Variants in GABRB3 observed in about 807,000 individuals in gnomAD.
The protein encoded by GABRB3 is gamma-aminobutyric acid receptor subunit beta-3.
Under a neutral mutation model 52.1 loss-of-function variants are expected in GABRB3, and 14 were observed. The ratio of observed to expected loss-of-function variants is 0.27; its 90% CI spans 0.18 to 0.42. GABRB3 has a LOEUF of 0.42. GABRB3 is among the 10% of genes least tolerant of loss of function. The pLI is 1.00. For synonymous variants in GABRB3, 260 were observed against 232.3 expected (o/e 1.12, Z -1.08); for missense variants, 307 against 609.1 (o/e 0.50, Z 5.22).
intron 3 of GABRB3, among the ~76,000 whole-genome samples, chr15:26,699,292 G>A (rs1888849033): frequency 6.6e-6 from 1 of 152,088 alleles, no homozygotes; most frequent in African/African-American, 2.4e-5. Flanking sequence ...ACCAATATTA[G>A]CAAGACCCAA....
chr15:26,582,467 A>G (rs117151109), intron 5 of GABRB3, among the ~76,000 whole-genome samples: 3,348 of 152,250 alleles, frequency 0.022, 66 homozygotes, highest in Non-Finnish European at 0.028. Context: ...TCAACTTTGC[A>G]TCACTTGACA....
chr15:26,663,825 C>T (rs576323266), intron 3 of GABRB3, among the ~76,000 whole-genome samples: 2 of 152,256 alleles, frequency 1.3e-5, no homozygotes, highest in African/African-American at 4.8e-5. Flanking sequence ...TCTTATAGAT[C>T]ACATGAACAT....
chr15:26,772,546 C>T, intron 2 of GABRB3, 77 bp from the exon 3 acceptor site: 3 of 1,504,892 alleles, frequency 2.0e-6, no homozygotes, highest in Non-Finnish European at 2.7e-6. Flanking sequence ...TGGGGGCTAT[C>T]CCAGGAGGGG....
intron 3 of GABRB3, among the ~76,000 whole-genome samples, chr15:26,746,953 C>T (rs938500280): frequency 1.2e-4 from 18 of 152,148 alleles, no homozygotes; most frequent in Non-Finnish European, 2.5e-4. Flanking sequence ...CACTACTGCA[C>T]TCCAGCCTGG....
At chr15:26,552,816 C>T (rs1889529646) in intron 8 of GABRB3, among the ~76,000 whole-genome samples, 1 of 152,162 alleles carries the variant, frequency 6.6e-6, no homozygotes, top group Non-Finnish European at 1.5e-5. Context: ...CTGGCTCACA[C>T]TGGGAATGTT....
At chr15:26,630,806 C>A (rs2140558411) in intron 3 of GABRB3, among the ~76,000 whole-genome samples, 1 of 152,276 alleles carries the variant, frequency 6.6e-6, no homozygotes, top group South Asian at 2.1e-4. Flanking sequence ...TAGCACAAAA[C>A]CCTGAAGTTC....
chr15:26,671,278 A>G (rs1433914070), intron 3 of GABRB3, among the ~76,000 whole-genome samples: 2 of 152,216 alleles, frequency 1.3e-5, no homozygotes, highest in African/African-American at 4.8e-5. Context: ...AACTTCCATC[A>G]CTAAGTGATT....
intron 4 of GABRB3, chr15:26,613,346 G>T (rs1892142752): frequency 1.3e-5 from 2 of 152,444 alleles, no homozygotes; most frequent in Admixed American, 1.3e-4. Context: ...GGGAGGTGGA[G>T]GTTGTGGTGA....
intron 3 of GABRB3, among the ~76,000 whole-genome samples, chr15:26,714,447 G>A (rs1023309162): frequency 2.6e-5 from 4 of 152,182 alleles, no homozygotes; most frequent in Admixed American, 2.6e-4. Flanking sequence ...ACATTCTAGG[G>A]AGACATGAGA....
At chr15:26,625,096 A>G in intron 3 of GABRB3, 1 of 353,258 alleles carries the variant, frequency 2.8e-6, no homozygotes, top group Non-Finnish European at 4.0e-6. Context: ...AACACTAGTA[A>G]CCCGGGATAG....
chr15:26,558,970 C>G (rs942652190), intron 8 of GABRB3, among the ~76,000 whole-genome samples: 1 of 152,262 alleles, frequency 6.6e-6, no homozygotes, highest in East Asian at 1.9e-4. Context: ...TCTGGGGAAG[C>G]CCCAGGAAAC....
chr15:26,592,337 A>G (rs1342630146), intron 4 of GABRB3, among the ~76,000 whole-genome samples: 1 of 152,232 alleles, frequency 6.6e-6, no homozygotes, highest in African/African-American at 2.4e-5. Context: ...AGTCAAGATC[A>G]CCACATCCAT....
intron 3 of GABRB3, among the ~76,000 whole-genome samples, chr15:26,662,166 A>G (rs1318174167): frequency 6.6e-6 from 1 of 152,220 alleles, no homozygotes; most frequent in African/African-American, 2.4e-5. Context: ...ATATCTTCCC[A>G]GCTGATCTAT....
chr15:26,654,039 T>C (rs1751958569), intron 3 of GABRB3, among the ~76,000 whole-genome samples: 3 of 152,176 alleles, frequency 2.0e-5, no homozygotes, highest in Admixed American at 2.0e-4. Flanking sequence ...ATAATACCAT[T>C]ATGAGGTCCG....
intron 3 of GABRB3, among the ~76,000 whole-genome samples, chr15:26,706,598 A>G (rs1342337925): frequency 2.0e-5 from 3 of 152,222 alleles, no homozygotes; most frequent in Non-Finnish European, 4.4e-5. Flanking sequence ...TAAAATCTGC[A>G]CTAACTTGTT....
At chr15:26,762,130 C>A (rs775717950) in intron 3 of GABRB3, among the ~76,000 whole-genome samples, 5 of 152,188 alleles carry the variant, frequency 3.3e-5, no homozygotes, top group Non-Finnish European at 5.9e-5. Context: ...CCACACCCAG[C>A]CCTCTTTATC....
intron 4 of GABRB3, among the ~76,000 whole-genome samples, chr15:26,616,433 G>A (rs930339974): frequency 6.6e-6 from 1 of 152,034 alleles, no homozygotes; most frequent in African/African-American, 2.4e-5. Context: ...AATTTCTAAT[G>A]AGCAGATGAT....
intron 6 of GABRB3, among the ~76,000 whole-genome samples, chr15:26,571,638 T>A (rs893036892): frequency 6.6e-6 from 1 of 152,138 alleles, no homozygotes; most frequent in African/African-American, 2.4e-5. Context: ...ACTTGGACGA[T>A]CATTAGGGAC....
Position 26,548,131 on chromosome 15 carries a change from C to G in GABRB3, c.1084G>C (p.Asp362His). ...GTCAACAGAATATTTCCATGAGCAT[C>G]CACCTAATTGGACGGAAAATGCACA... ...DRSKSESNRV[D>H]AHGNILLTSL... Residue 362 changes from aspartate (D) to histidine (H), a missense_variant, in exon 9 of 9, where the codon GAT becomes CAT. Around this residue, in one of 6 missense-constraint regions of GABRB3, gnomAD observed 115 missense variants for 166.9 expected, o/e 0.69. Transcript: ENST00000311550. 6.2e-7 allele frequency: 1 copy of G among 1,613,558 alleles called. No individual in the cohort carries two copies. Among genetic ancestry groups the G allele is most frequent in the Non-Finnish European group, 8.5e-7 (1 of 1,179,496 alleles).
Sources: gnomAD v4.1 joint callset for allele counts (sites outside exome capture counted in the v4.1 genomes callset) on GRCh38, gnomAD v4.1.1 for gene constraint, gnomAD v4.1.1 regional missense constraint, MANE v1.5 for transcripts, NCBI Gene and HGNC (gene_info 2026-07-23, HGNC 2026-07-21) for gene names.